The following MYO3A variants were observed in gnomAD, a reference collection of about 807,000 sequenced individuals.
MYO3A encodes the protein myosin-IIIa.
A neutral mutation model predicts 192.7 loss-of-function variants in MYO3A; 180 were observed. The ratio of observed to expected loss-of-function variants is 0.93; its 90% CI spans 0.83 to 1.06. The LOEUF is 1.06. MYO3A is among the 50% of genes least tolerant of loss of function. The pLI, the probability that MYO3A is intolerant of heterozygous loss-of-function variation, is 0.00. For missense variants in MYO3A, 1,896 were observed against 1,905.0 expected, an observed-to-expected ratio of 1.00 and a Z score of 0.09; for synonymous variants, 628 against 645.3, an observed-to-expected ratio of 0.97 and a Z score of 0.41.
chr10:26,205,760 G>A (rs747012008), intron 34 of MYO3A, among the ~76,000 whole-genome samples: 1 of 151,206 alleles, frequency 6.6e-6, no homozygotes, highest in Non-Finnish European at 1.5e-5. Context: ...GGGACTACAG[G>A]CACCCGCCAT....
At chr10:26,008,375 T>G (rs1841380386) in intron 6 of MYO3A, among the ~76,000 whole-genome samples, 1 of 148,354 alleles carries the variant, frequency 6.7e-6, no homozygotes. Flanking sequence ...AAGCCAAAAT[T>G]GACAAATGGG....
chr10:26,106,207 T>G (rs1837792779), intron 17 of MYO3A, among the ~76,000 whole-genome samples: 1 of 152,100 alleles, frequency 6.6e-6, no homozygotes, highest in Non-Finnish European at 1.5e-5. Flanking sequence ...ATATTAATTT[T>G]TGGAGCACTG....
At chr10:26,081,133 T>TGCCCCCCCCCCCC (rs1835903762) in intron 14 of MYO3A, among the ~76,000 whole-genome samples, 2 of 84,982 alleles carry the variant, frequency 2.4e-5, no homozygotes, top group South Asian at 5.5e-4. Flanking sequence ...TATATGCCCT[T>TGCCCCCCCCCCCC]CCCCCCCCCC....
chr10:26,186,899 T>C (rs1842895981), intron 31 of MYO3A, among the ~76,000 whole-genome samples: 1 of 152,216 alleles, frequency 6.6e-6, no homozygotes, highest in Non-Finnish European at 1.5e-5. Flanking sequence ...ATATGTCTTA[T>C]CTTTTTTATG....
At chr10:25,947,760 A>G (rs964247455) in intron 2 of MYO3A, among the ~76,000 whole-genome samples, 5 of 152,176 alleles carry the variant, frequency 3.3e-5, no homozygotes, top group African/African-American at 1.2e-4. Flanking sequence ...AAATTTTTCT[A>G]TGGACTCTTT....
At chr10:26,203,270 A>G (rs769856997) in intron 34 of MYO3A, among the ~76,000 whole-genome samples, 163 bp downstream of exon 34, 2 of 152,198 alleles carry the variant, frequency 1.3e-5, no homozygotes, top group Non-Finnish European at 2.9e-5. Flanking sequence ...GTACAGTGTT[A>G]TGGTAAAGTA....
intron 4 of MYO3A, among the ~76,000 whole-genome samples, chr10:25,974,328 T>A (rs1487345481): frequency 6.6e-6 from 1 of 152,216 alleles, no homozygotes; most frequent in African/African-American, 2.4e-5. Flanking sequence ...AATAATTCTA[T>A]TTGCTAAGCT....
At chr10:26,171,184 G>A (rs1842029362) in intron 29 of MYO3A, among the ~76,000 whole-genome samples, 1 of 152,174 alleles carries the variant, frequency 6.6e-6, no homozygotes, top group Admixed American at 6.5e-5. Flanking sequence ...GTTGGTAGTG[G>A]TTAGGGAAAG....
chr10:25,984,988 G>A (rs553220159), intron 4 of MYO3A, among the ~76,000 whole-genome samples: 15 of 152,090 alleles, frequency 9.9e-5, no homozygotes, highest in African/African-American at 3.4e-4. Context: ...CTGTAATCCC[G>A]GCACTTTGGG....
chr10:25,993,314 T>A (rs565855727), intron 4 of MYO3A, among the ~76,000 whole-genome samples: 5 of 152,234 alleles, frequency 3.3e-5, no homozygotes, highest in Non-Finnish European at 5.9e-5. Context: ...TTTATAGTAT[T>A]CTCTGATGGT....
chr10:26,002,425 T>A (rs1840887012), intron 6 of MYO3A, among the ~76,000 whole-genome samples: 2 of 152,220 alleles, frequency 1.3e-5, no homozygotes, highest in Non-Finnish European at 2.9e-5. Context: ...GGGGTTCTTA[T>A]CACTGATGCA....
At chr10:26,128,674 C>T (rs971506160) in intron 20 of MYO3A, 136 bp downstream of exon 20, 8 of 930,034 alleles carry the variant, frequency 8.6e-6, no homozygotes, top group South Asian at 3.3e-5. Context: ...ATTATCTCCA[C>T]GTCCATAGTA....
At chr10:25,968,719 A>C (rs1439880851) in intron 4 of MYO3A, among the ~76,000 whole-genome samples, 3 of 152,222 alleles carry the variant, frequency 2.0e-5, no homozygotes, top group Non-Finnish European at 4.4e-5. Context: ...ATTAAATGGG[A>C]AATTCCAGAA....
intron 6 of MYO3A, among the ~76,000 whole-genome samples, chr10:26,010,679 G>T (rs942999183): frequency 6.6e-6 from 1 of 152,010 alleles, no homozygotes; most frequent in African/African-American, 2.4e-5. Flanking sequence ...GGCCAGGCTG[G>T]TCTCGAACTC....
At chr10:26,063,022 A>G (rs996352814) in intron 10 of MYO3A, among the ~76,000 whole-genome samples, 4 of 152,212 alleles carry the variant, frequency 2.6e-5, no homozygotes, top group African/African-American at 9.6e-5. Context: ...TTTTTGGACG[A>G]CTGCTATCTA....
intron 34 of MYO3A, among the ~76,000 whole-genome samples, chr10:26,211,257 T>G (rs1437829664): frequency 6.6e-6 from 1 of 152,210 alleles, no homozygotes; most frequent in Non-Finnish European, 1.5e-5. Context: ...CTGCAGAATC[T>G]GAAGGTAAAC....
chr10:26,038,552 CT>C (rs1238023052), intron 10 of MYO3A, among the ~76,000 whole-genome samples: 1 of 152,122 alleles, frequency 6.6e-6, no homozygotes, highest in African/African-American at 2.4e-5. Flanking sequence ...ATTTTGCACT[CT>C]TTACTGATTT....
intron 20 of MYO3A, among the ~76,000 whole-genome samples, chr10:26,135,789 C>T (rs747036863): frequency 2.0e-5 from 3 of 151,576 alleles, no homozygotes; most frequent in Admixed American, 1.3e-4. Flanking sequence ...AACATGGCGA[C>T]ACCTCATCTC....
At chr10:26,064,891 C>A (rs1040299850) in intron 10 of MYO3A, among the ~76,000 whole-genome samples, 8 of 152,242 alleles carry the variant, frequency 5.3e-5, no homozygotes, top group African/African-American at 1.9e-4. Flanking sequence ...ATGTGTCTGT[C>A]TCTCCAAGTG....
Sources: gnomAD v4.1 joint callset for allele counts (sites outside exome capture counted in the v4.1 genomes callset) on GRCh38, gnomAD v4.1.1 for gene constraint, MANE v1.5 for transcripts, NCBI Gene and HGNC (gene_info 2026-07-23, HGNC 2026-07-21) for gene names.